SYNE2: variants seen among roughly 807,000 people sequenced by gnomAD.
The protein encoded by SYNE2 is nesprin-2.
In SYNE2, 431 loss-of-function variants were observed where a neutral mutation model predicts 856.3. The observed-to-expected ratio is 0.50, with a 90% CI of 0.47 to 0.55. SYNE2 has a LOEUF of 0.55. Ranked by LOEUF, SYNE2 falls within the 20% of genes least tolerant of loss-of-function variation. The pLI is 0.00. For synonymous variants in SYNE2, 2,923 were observed against 2,872.3 expected, an observed-to-expected ratio of 1.02 and a Z score of -0.56; for missense variants, 8,129 against 8,023.2, an observed-to-expected ratio of 1.01 and a Z score of -0.50.
intron 1 of SYNE2, among the ~76,000 whole-genome samples, chr14:63,873,187 T>C (rs992188177): frequency 1.3e-5 from 2 of 152,230 alleles, no homozygotes; most frequent in African/African-American, 4.8e-5. Flanking sequence ...TGAAAATGGG[T>C]ATACTCTAAT....
chr14:63,762,028 C>A (rs562180756), intron 1 of SYNE2: 24 of 490,094 alleles, frequency 4.9e-5, no homozygotes, highest in African/African-American at 4.3e-4. Context: ...TGAATATAAG[C>A]TAGTCGTTCT....
Position 64,017,650 on chromosome 14 carries a change from G to A in SYNE2, c.4943G>A (p.Trp1648Ter). Reference sequence around the variant, plus strand: ...AATCTTGGTCGAGCTCTAGCTTTGTGGGACAAACTTTTTAACTTAAAAAAT... The same window carrying A: ...AATCTTGGTCGAGCTCTAGCTTTGTAGGACAAACTTTTTAACTTAAAAAAT... ...YENLGRALAL[W>*]DKLFNLKNVI... The change falls in exon 34 of 116, where the codon TGG becomes TAG. Residue 1648 changes from tryptophan (W) to a stop codon, truncating the protein, a stop_gained. Coordinates refer to ENST00000555002, the MANE Select transcript of SYNE2 (RefSeq NM_182914.3). LOFTEE classifies it high-confidence loss of function. 6.2e-7 allele frequency: 1 copy of A among 1,613,448 alleles called. No individual in the cohort carries two copies. Among genetic ancestry groups the A allele is most frequent in the Non-Finnish European group, 8.5e-7 (1 of 1,179,606 alleles).
intron 23 of SYNE2, among the ~76,000 whole-genome samples, 155 bp downstream of exon 23, chr14:63,995,357 C>T (rs934382321): frequency 6.6e-6 from 1 of 152,188 alleles, no homozygotes; most frequent in Non-Finnish European, 1.5e-5. Context: ...ACACTCGCAG[C>T]AGAGCCTGTA....
chr14:63,867,723 GAATGA>G (rs1895787257), intron 1 of SYNE2, among the ~76,000 whole-genome samples: 1 of 57,134 alleles, frequency 1.8e-5, no homozygotes, highest in South Asian at 1.0e-3. Flanking sequence ...AGAATAAAAA[GAATGA>G]AAGAATGAAA....
rs965424868 is a variant in SYNE2 at position 64,081,669 on chromosome 14, T to C, written c.11484+89T>C. ...ATTGTCTTGGTGCTTTTTTCCTCCTTTCCTGAAATACAACCTTACCGCTAA... is the reference window on the plus strand; with the variant it reads ...ATTGTCTTGGTGCTTTTTTCCTCCTCTCCTGAAATACAACCTTACCGCTAA... On this transcript the variant is annotated intron_variant, in intron 57 of 115. Coordinates refer to ENST00000555002, the MANE Select transcript of SYNE2 (RefSeq NM_182914.3). The C allele has an allele frequency of 4.2e-6, 6 of 1,444,396 alleles. No individual in the cohort carries two copies. In the African/African-American group the frequency reaches 8.4e-5, roughly 20 times the overall value. The allele number at this position is 1,444,396 out of a possible 1,614,324, so 89.5% of individuals were successfully genotyped here. A position where few individuals can be genotyped will look rare whatever the true frequency, so the allele number is the denominator to read the frequency against.
intron 21 of SYNE2, among the ~76,000 whole-genome samples, chr14:63,992,103 T>TC (rs982607605): frequency 6.6e-6 from 1 of 152,018 alleles, no homozygotes; most frequent in African/African-American, 2.4e-5. Context: ...TTCAACCACT[T>TC]CCCTCTGTTT....
At chr14:63,864,079 C>T (rs1894552149) in intron 1 of SYNE2, among the ~76,000 whole-genome samples, 2 of 152,202 alleles carry the variant, frequency 1.3e-5, no homozygotes, top group Non-Finnish European at 2.9e-5. Context: ...TCCCAAAGTG[C>T]TGGGATTACA....
rs1241864486 is a variant in SYNE2 at position 64,014,928 on chromosome 14, CTTATATATAT to C, written c.4729-1544_4729-1535del. Among the ~76,000 whole-genome samples the C allele has an allele frequency of 1.7e-4, 9 of 51,862 alleles. No individual in the cohort carries two copies. The East Asian group carries it at 2.4e-3, about 14-fold the overall frequency. The allele number at this position is 51,862 out of a possible 152,430, so 34.0% of individuals were successfully genotyped here. A position where few individuals can be genotyped will look rare whatever the true frequency, so the allele number is the denominator to read the frequency against. On this transcript the variant is annotated intron_variant, in intron 32 of 115. Transcript: ENST00000555002. The stretch of plus-strand genomic sequence containing the variant: ...CTTATTTGGTCATGGTGTATAATTC[CTTATATATAT>C]ATATATATATATATATATATATATA...
chr14:63,890,341 G>C (rs2095102880), intron 1 of SYNE2, among the ~76,000 whole-genome samples: 1 of 152,182 alleles, frequency 6.6e-6, no homozygotes, highest in Non-Finnish European at 1.5e-5. Flanking sequence ...GGGATTACAG[G>C]TGTGAGCTAC....
chr14:63,994,934 A>T, intron 22 of SYNE2, 110 bp from the exon 23 acceptor site: 1 of 707,794 alleles, frequency 1.4e-6, no homozygotes, highest in Non-Finnish European at 2.2e-6. Flanking sequence ...AATGGCACTT[A>T]AGCTTTGTTT....
At chr14:63,948,156 G>GACACACACAGACACACAC (rs151256085) in intron 6 of SYNE2, among the ~76,000 whole-genome samples, 1 of 124,338 alleles carries the variant, frequency 8.0e-6, no homozygotes, top group African/African-American at 2.9e-5. Context: ...TACACACACA[G>GACACACACAGACACACAC]ACACACACAT....
At chr14:64,203,418 G>A (rs1173058055) in intron 100 of SYNE2, among the ~76,000 whole-genome samples, 1 of 152,154 alleles carries the variant, frequency 6.6e-6, no homozygotes, top group Non-Finnish European at 1.5e-5. Flanking sequence ...TGGACCAATA[G>A]TTTAGGAAGC....
At chr14:64,151,934 G>C (rs946982886) in intron 84 of SYNE2, among the ~76,000 whole-genome samples, 3 of 152,200 alleles carry the variant, frequency 2.0e-5, no homozygotes, top group African/African-American at 7.2e-5. Context: ...CACCATTGCT[G>C]CTGGCCTCAT....
intron 1 of SYNE2, among the ~76,000 whole-genome samples, chr14:63,770,602 C>T (rs1318072434): frequency 6.6e-6 from 1 of 152,052 alleles, no homozygotes; most frequent in Admixed American, 6.6e-5. Context: ...GAGTTTGGGA[C>T]CAGCCTGGAC....
At chr14:63,914,178 G>T (rs7153101) in intron 2 of SYNE2, among the ~76,000 whole-genome samples, 102,808 of 152,114 alleles carry the variant, frequency 0.68, 34,902 homozygotes, top group South Asian at 0.78. Context: ...TGAGCCCTTC[G>T]GGTGGGAAAG....
chr14:63,814,757 T>TATATATATCC (rs1566583948), intron 1 of SYNE2, among the ~76,000 whole-genome samples: 4 of 88,788 alleles, frequency 4.5e-5, no homozygotes, highest in South Asian at 3.8e-4. Context: ...TATATATCCA[T>TATATATATCC]ATATATATCC....
In SYNE2 at chr14:64,062,839, A is replaced by C; in HGVS notation, c.10156A>C (p.Met3386Leu). The change falls in exon 50 of 116, where the codon ATG becomes CTG. Residue 3386 changes from methionine (M) to leucine (L), a missense_variant. Met to Leu is a conservative substitution (Grantham distance 15). This residue lies in a region of SYNE2 where 5,410 missense variants were observed against 5,284.8 expected (regional missense o/e 1.02). Coordinates refer to ENST00000555002, the MANE Select transcript of SYNE2 (RefSeq NM_182914.3). The part of the protein sequence containing the change: ...SKMETVLGQS[M>L]SSLPLSYREA... ...AATGGAGACAGTTCTTGGACAGTCC[A>C]TGTCCTCGTTGCCACTGTCTTACAG... 1 of 1,614,184 alleles carries C rather than the reference A, an allele frequency of 6.2e-7. No homozygotes were observed. The highest frequency in any genetic ancestry group is 8.5e-7 in the Non-Finnish European group (1 of 1,180,008).
rs759802358 is a variant in SYNE2 at position 64,087,851 on chromosome 14, G to A, written c.11665G>A (p.Ala3889Thr). The part of the protein sequence containing the change: ...MESLPQIQRM[A>T]DDVVAIESEV... ...AAGCCTTCCACAGATTCAGCGAATG[G>A]CTGATGTAAGTTTGCACCATTCATT... The change falls in exon 58 of 116, where the codon GCT becomes ACT. Residue 3889 changes from alanine to threonine, a missense_variant. Coordinates refer to ENST00000555002, the MANE Select transcript of SYNE2 (RefSeq NM_182914.3). The A allele has an allele frequency of 5.9e-5, 96 of 1,613,868 alleles. No homozygotes were observed. The highest frequency in any genetic ancestry group is 1.6e-4 in the Middle Eastern group (1 of 6,068).
chr14:64,023,374 AT>A (rs1250911696), intron 38 of SYNE2: 1 of 154,878 alleles, frequency 6.5e-6, no homozygotes, highest in African/African-American at 2.4e-5. Context: ...GTGTGTACAA[AT>A]GGCTTACAGA....
Sources: gnomAD v4.1 joint callset for allele counts (sites outside exome capture counted in the v4.1 genomes callset) on GRCh38, gnomAD v4.1.1 for gene constraint, gnomAD v4.1.1 regional missense constraint, MANE v1.5 for transcripts, NCBI Gene and HGNC (gene_info 2026-07-23, HGNC 2026-07-21) for gene names.